The following ZNF592 variants were observed in gnomAD, a reference collection of about 807,000 sequenced individuals.
ZNF592 encodes zinc finger protein 592.
Under a neutral mutation model 80.3 loss-of-function variants are expected in ZNF592, and 11 were observed. The ratio of observed to expected loss-of-function variants is 0.14; its 90% CI spans 0.09 to 0.23. ZNF592 has a LOEUF of 0.23. ZNF592 is among the 10% of genes least tolerant of loss of function. The pLI, the probability that ZNF592 is intolerant of heterozygous loss-of-function variation, is 1.00. For missense variants in ZNF592, 1,420 were observed against 1,633.9 expected (o/e 0.87, Z 2.26); for synonymous variants, 646 against 640.3 (o/e 1.01, Z -0.13).
rs747477422 is a variant in ZNF592 at position 84,784,169 on chromosome 15, C to G, written c.1494C>G (p.Leu498=). The change falls in exon 4 of 11, where the codon CTC becomes CTG. Residue 498 remains leucine, a synonymous_variant. Transcript: ENST00000560079. The surrounding 1 kb of genome is among the most constrained non-coding windows in gnomAD (Gnocchi z 5.8). The part of the protein sequence containing the change: ...LQASTLAPAN[L]LPKAVHLANL... ...CATCCACCCTGGCCCCTGCCAACCT[C>G]CTGCCCAAAGCCGTGCACTTGGCCA... The G allele has an allele frequency of 6.2e-7, 1 of 1,614,080 alleles. No individual in the cohort carries two copies. Among genetic ancestry groups the G allele is most frequent in the Non-Finnish European group, 8.5e-7 (1 of 1,180,046 alleles).
In ZNF592 at chr15:84,799,050, A is replaced by ACTAT. The variant is rs1314726330; in HGVS notation, c.3025-45_3025-42dup. Reference sequence around the variant, plus strand: ...ATCTGAGAAGAAAAATGCACCCAGAACTATCTTACAGTTCTGATGCTTTGT... The same window carrying ACTAT: ...ATCTGAGAAGAAAAATGCACCCAGAACTATCTATCTTACAGTTCTGATGCTTTGT... On this transcript the variant is annotated intron_variant, in intron 8 of 10. Coordinates refer to ENST00000560079, the MANE Select transcript of ZNF592 (RefSeq NM_014630.3). The surrounding 1 kb of genome is among the most constrained non-coding windows in gnomAD (Gnocchi z 4.2). 24 of 1,609,668 alleles carry ACTAT rather than the reference A, an allele frequency of 1.5e-5. No homozygotes were observed. In the Admixed American group the frequency reaches 3.2e-4, roughly 21 times the overall value.
intron 1 of ZNF592, among the ~76,000 whole-genome samples, chr15:84,760,748 A>C (rs910017515): frequency 6.6e-6 from 1 of 152,192 alleles, no homozygotes; most frequent in Non-Finnish European, 1.5e-5. Context: ...GGATGCTCTC[A>C]GTAGGAACGG....
At chr15:84,749,961 C>T (rs1291563295) in intron 1 of ZNF592, among the ~76,000 whole-genome samples, 3 of 152,226 alleles carry the variant, frequency 2.0e-5, no homozygotes, top group African/African-American at 7.2e-5. Flanking sequence ...ATTGGTAAGC[C>T]AGAAAGATAC....
chr15:84,786,823 A>G (rs1184124876), intron 4 of ZNF592, among the ~76,000 whole-genome samples: 1 of 139,358 alleles, frequency 7.2e-6, no homozygotes, highest in African/African-American at 2.7e-5. Flanking sequence ...GGATTTTTTC[A>G]CACTGGTCCT....
intron 2 of ZNF592, among the ~76,000 whole-genome samples, chr15:84,765,962 CTG>C: frequency 6.6e-6 from 1 of 151,436 alleles, no homozygotes; most frequent in Non-Finnish European, 1.5e-5. Flanking sequence ...TGATAAACCT[CTG>C]TGTACTCACT....
rs117650532 is a variant in ZNF592 at position 84,786,401 on chromosome 15, G to A, written c.2220+1506G>A. 4.5e-3 allele frequency among the ~76,000 whole-genome samples: 684 copies of A among 152,344 alleles called. 2 individuals are homozygous for A. Among genetic ancestry groups the A allele is most frequent in the Middle Eastern group, 6.8e-3 (2 of 294 alleles). On this transcript the variant is annotated intron_variant, in intron 4 of 10. Transcript: ENST00000560079. ...TGGGCTTGCAAGGATGAGTTTGGAG[G>A]AGTAGGAGGGGCAAGGGTGTTTTGA...
rs748045427 is a variant in ZNF592 at position 84,782,777 on chromosome 15, T to C, written c.102T>C (p.Ser34=). ...CCAAGGAGGCCATCCAGACACCCAG[T>C]GAGGAGAATGAGAGTCCCCTCAAAC... ...LDAKEAIQTP[S]EENESPLKPP... is the part of the protein sequence containing the mutation. Residue 34 remains serine (S), a synonymous_variant, in exon 4 of 11, where the codon AGT becomes AGC. Coordinates refer to ENST00000560079, the MANE Select transcript of ZNF592 (RefSeq NM_014630.3). 7.4e-6 allele frequency: 12 copies of C among 1,614,086 alleles called. No individual in the cohort carries two copies. Among genetic ancestry groups the C allele is most frequent in the Middle Eastern group, 1.6e-4 (1 of 6,062 alleles).
At chr15:84,764,419 C>T (rs572518002) in intron 1 of ZNF592, among the ~76,000 whole-genome samples, 5 of 152,282 alleles carry the variant, frequency 3.3e-5, no homozygotes, top group Admixed American at 3.3e-4. Context: ...GAAGAATCTT[C>T]CCCCAGGTCT....
intron 1 of ZNF592, among the ~76,000 whole-genome samples, chr15:84,758,685 G>T (rs1441447641): frequency 6.6e-6 from 1 of 151,562 alleles, no homozygotes; most frequent in Non-Finnish European, 1.5e-5. Flanking sequence ...GCTGAGGTGG[G>T]TGGATTGCTT....
chr15:84,762,415 G>A (rs1051442994), intron 1 of ZNF592, among the ~76,000 whole-genome samples: 4 of 152,142 alleles, frequency 2.6e-5, no homozygotes, highest in African/African-American at 7.2e-5. Flanking sequence ...AGGGAGCCAC[G>A]CAGATATCTG....
In ZNF592 at chr15:84,798,184, G is replaced by C. The variant is rs949860005; in HGVS notation, c.2577-131G>C. The C allele has an allele frequency of 6.4e-6, 10 of 1,564,636 alleles. No homozygotes were observed. In the Admixed American group the frequency reaches 1.7e-4, roughly 26 times the overall value. The stretch of plus-strand genomic sequence containing the variant: ...TGGGGTCGTACTAAGGATGTCCTGA[G>C]GCAGGGGAGCATCCACATTGGCTCA... On this transcript the variant is annotated intron_variant, in intron 6 of 10. Transcript: ENST00000560079. The surrounding 1 kb of genome is among the most constrained non-coding windows in gnomAD (Gnocchi z 4.5).
intron 2 of ZNF592, among the ~76,000 whole-genome samples, chr15:84,774,595 A>G (rs1024716651): frequency 6.6e-6 from 1 of 152,204 alleles, no homozygotes; most frequent in South Asian, 2.1e-4. Context: ...ATGAATGGGA[A>G]TTACATGAAG....
rs10667788 is a variant in ZNF592, at chr15:84,766,706, AGTGT to A, written c.-150+1922_-150+1925del. Among the ~76,000 whole-genome samples the A allele has an allele frequency of 5.2e-3, 727 of 140,244 alleles. 5 individuals are homozygous for A. Among genetic ancestry groups the A allele is most frequent in the Admixed American group, 8.3e-3 (116 of 14,058 alleles). 92.0% of individuals were successfully genotyped at this position (140,244 alleles called of 152,430 possible). A position where few individuals can be genotyped will look rare whatever the true frequency, so the allele number is the denominator to read the frequency against. ...AATAGAGGGAGAGAGGATGAGAAAG[AGTGT>A]GTGTGTGTGTGTGTGTGTGTGTGTG... On this transcript the variant is annotated intron_variant, in intron 2 of 10. Coordinates refer to ENST00000560079, the MANE Select transcript of ZNF592 (RefSeq NM_014630.3).
chr15:84,793,080 AT>A (rs1015810202), intron 5 of ZNF592, among the ~76,000 whole-genome samples: 5 of 150,762 alleles, frequency 3.3e-5, no homozygotes, highest in Non-Finnish European at 5.9e-5. Context: ...AAGAAAAAAA[AT>A]TTTTTTTTTT....
At position 84,759,574 on chromosome 15, in the gene ZNF592, G is replaced by A. The variant is rs138530190; in HGVS notation, c.-258-5133G>A. Among the ~76,000 whole-genome samples the A allele has an allele frequency of 6.6e-3, 998 of 152,188 alleles. 6 individuals carry two copies. Among genetic ancestry groups the A allele is most frequent in the Admixed American group, 0.018 (268 of 15,274 alleles). On this transcript the variant is annotated intron_variant, in intron 1 of 10. Transcript: ENST00000560079. ...CTAAGGCTTTTGCATTTCCATCTTA[G>A]AGTCCTGTTTTAAATTATTTATACC...
intron 2 of ZNF592, among the ~76,000 whole-genome samples, chr15:84,772,745 T>G (rs968407315): frequency 5.9e-5 from 9 of 152,224 alleles, no homozygotes; most frequent in Non-Finnish European, 1.3e-4. Flanking sequence ...AACTTTTTTT[T>G]TTCTCTCTCA....
chr15:84,798,682 C>G lies in ZNF592; in HGVS notation c.2831C>G (p.Thr944Ser). 1 of 1,613,588 alleles carries G rather than the reference C, an allele frequency of 6.2e-7. No individual in the cohort carries two copies. The highest frequency in any genetic ancestry group is 1.1e-5 in the South Asian group (1 of 91,082). The part of the protein sequence containing the change: ...SSSRPGSRVP[T>S]EPPATSVAAR... ...AGCCGCCCTGGCTCTCGAGTTCCCACTGAGCCACCAGCCACTAGTGTGGCT... is the reference window on the plus strand; with the variant it reads ...AGCCGCCCTGGCTCTCGAGTTCCCAGTGAGCCACCAGCCACTAGTGTGGCT... The change falls in exon 8 of 11, where the codon ACT becomes AGT. Residue 944 changes from threonine (T) to serine (S), a missense_variant. Thr to Ser is a moderately conservative substitution (Grantham distance 58). Coordinates refer to ENST00000560079, the MANE Select transcript of ZNF592 (RefSeq NM_014630.3). The surrounding 1 kb of genome is among the most constrained non-coding windows in gnomAD (Gnocchi z 4.5).
At chr15:84,748,855 G>T (rs1158764597) in intron 1 of ZNF592, among the ~76,000 whole-genome samples, 191 bp downstream of exon 1, 6 of 146,876 alleles carry the variant, frequency 4.1e-5, no homozygotes, top group Non-Finnish European at 9.1e-5. Flanking sequence ...GGCCCGGGCC[G>T]CCACCCCACC....
intron 10 of ZNF592, among the ~76,000 whole-genome samples, chr15:84,800,716 A>C (rs907204582): frequency 1.1e-4 from 17 of 152,216 alleles, no homozygotes; most frequent in African/African-American, 3.9e-4. Context: ...TGTAAAATGT[A>C]CATCCTCCCT....
Sources: gnomAD v4.1 joint callset for allele counts (sites outside exome capture counted in the v4.1 genomes callset) on GRCh38, gnomAD v4.1.1 for gene constraint, Gnocchi (gnomAD v3.1) non-coding constraint, MANE v1.5 for transcripts, NCBI Gene and HGNC (gene_info 2026-07-23, HGNC 2026-07-21) for gene names.